The following MED12L variants were observed in gnomAD, a reference collection of about 807,000 sequenced individuals.
MED12L encodes mediator complex subunit 12L.
A neutral mutation model predicts 281.3 loss-of-function variants in MED12L; 60 were observed. The observed-to-expected ratio is 0.21, with a 90% confidence interval of 0.17 to 0.26. MED12L has a LOEUF of 0.26. Ranked by LOEUF, MED12L falls within the 10% of genes least tolerant of loss-of-function variation. The pLI is 1.00. For synonymous variants in MED12L, 974 were observed against 987.2 expected, an observed-to-expected ratio of 0.99 and a Z score of 0.25; for missense variants, 2,146 against 2,680.9, an observed-to-expected ratio of 0.80 and a Z score of 4.41.
intron 39 of MED12L, among the ~76,000 whole-genome samples, chr3:151,407,408 T>C (rs560412237): frequency 1.3e-5 from 2 of 152,364 alleles, no homozygotes; most frequent in African/African-American, 4.8e-5. Flanking sequence ...TAGTTGATTT[T>C]TCTGTTTTGT....
At chr3:151,282,481 C>T (rs944415637) in intron 16 of MED12L, among the ~76,000 whole-genome samples, 11 of 151,828 alleles carry the variant, frequency 7.2e-5, no homozygotes, top group East Asian at 1.9e-4. Context: ...AAGATGTTGA[C>T]GTAAGAATGT....
At chr3:151,177,048 G>A (rs1263053137) in intron 11 of MED12L, among the ~76,000 whole-genome samples, 1 of 152,234 alleles carries the variant, frequency 6.6e-6, no homozygotes, top group African/African-American at 2.4e-5. Context: ...AAAGGGGATT[G>A]TGCTCTAGGT....
At chr3:151,189,291 G>GT (rs1723665703) in intron 13 of MED12L, among the ~76,000 whole-genome samples, 2 of 152,318 alleles carry the variant, frequency 1.3e-5, no homozygotes, top group South Asian at 4.1e-4. Context: ...GGCTCTCTCA[G>GT]TTATTTGGTG....
At position 151,435,431 on chromosome 3, in the gene MED12L, T is replaced by TAA. The variant is rs1553825986; in HGVS notation, c.*2628_*2629dup. On this transcript the variant is annotated 3_prime_UTR_variant, in exon 45 of 45. Transcript: ENST00000687756. ...AGCCACAGGGTACTAACATCAGACATAAGTTGCAACCAGGTCACATTTTAG... is the reference window on the plus strand; with the variant it reads ...AGCCACAGGGTACTAACATCAGACATAAAAGTTGCAACCAGGTCACATTTTAG... 2 of 151,808 alleles carry TAA rather than the reference T, an allele frequency of 1.3e-5. No homozygotes were observed. Among genetic ancestry groups the TAA allele is most frequent in the East Asian group, 2.0e-4 (1 of 5,038 alleles). 9.4% of individuals were successfully genotyped at this position (151,808 alleles called of 1,614,324 possible). A position where few individuals can be genotyped will look rare whatever the true frequency, so the allele number is the denominator to read the frequency against.
At chr3:151,113,233 G>A (rs943085360) in intron 2 of MED12L, among the ~76,000 whole-genome samples, 2 of 152,164 alleles carry the variant, frequency 1.3e-5, no homozygotes, top group South Asian at 2.1e-4. Context: ...TGGATACCAG[G>A]AAAAAGAGCA....
In MED12L at chr3:151,372,648, A is replaced by G. The variant is rs1373321444; in HGVS notation, c.3746A>G (p.Asn1249Ser). The G allele has an allele frequency of 1.4e-5, 22 of 1,613,788 alleles. No homozygotes were observed. The highest frequency in any genetic ancestry group is 1.8e-5 in the Non-Finnish European group (21 of 1,179,818). The change falls in exon 27 of 45, where the codon AAT becomes AGT. Residue 1249 changes from asparagine (N) to serine (S), a missense_variant. Asn to Ser is a conservative substitution (Grantham distance 46, BLOSUM62 1). Transcript: ENST00000687756. Reference sequence around the variant, plus strand: ...ATGAGAGGTTTGCGATGTGATGGGAATGCTGATGATATCTGGACTGCCTCA... The same window carrying G: ...ATGAGAGGTTTGCGATGTGATGGGAGTGCTGATGATATCTGGACTGCCTCA... Reference protein sequence around the residue: ...FTMRGLRCDGNADDIWTASQN... With the variant: ...FTMRGLRCDGSADDIWTASQN...
At chr3:151,211,673 G>T (rs887229468) in intron 16 of MED12L, among the ~76,000 whole-genome samples, 3 of 152,076 alleles carry the variant, frequency 2.0e-5, no homozygotes, top group African/African-American at 7.2e-5. Flanking sequence ...TTTGACATAG[G>T]TTCTTGCTCT....
At chr3:151,278,867 G>A (rs1317864898) in intron 16 of MED12L, among the ~76,000 whole-genome samples, 1 of 152,206 alleles carries the variant, frequency 6.6e-6, no homozygotes, top group Non-Finnish European at 1.5e-5. Flanking sequence ...TTCTAGATAA[G>A]AGGTGTTGCA....
chr3:151,112,307 G>T (rs1712035651), intron 2 of MED12L, among the ~76,000 whole-genome samples: 1 of 145,808 alleles, frequency 6.9e-6, no homozygotes, highest in Non-Finnish European at 1.5e-5. Context: ...TTGAGATGGA[G>T]TCTCGCTCTG....
intron 16 of MED12L, among the ~76,000 whole-genome samples, chr3:151,197,049 A>T (rs952729671): frequency 3.3e-5 from 5 of 152,212 alleles, no homozygotes; most frequent in African/African-American, 9.7e-5. Flanking sequence ...CTTTTTCCTA[A>T]TAAGTCTTTT....
At chr3:151,362,253 C>T (rs1453805953) in intron 21 of MED12L, among the ~76,000 whole-genome samples, 2 of 151,982 alleles carry the variant, frequency 1.3e-5, no homozygotes, top group Non-Finnish European at 2.9e-5. Context: ...TTTTAATATA[C>T]GAATGATTCA....
intron 16 of MED12L, chr3:151,295,121 G>GT (rs778956908): frequency 6.2e-7 from 1 of 1,613,326 alleles, no homozygotes; most frequent in Non-Finnish European, 8.5e-7. Context: ...CAAGACAATT[G>GT]TGTCAAATTC....
intron 37 of MED12L, 93 bp from the exon 38 acceptor site, chr3:151,389,886 G>T (rs925688785): frequency 1.6e-6 from 2 of 1,222,234 alleles, no homozygotes; most frequent in South Asian, 1.3e-5. Flanking sequence ...ATTGGGATAG[G>T]AGGTACCTCA....
At chr3:151,181,662 T>C (rs1395780802) in intron 11 of MED12L, among the ~76,000 whole-genome samples, 1 of 146,304 alleles carries the variant, frequency 6.8e-6, no homozygotes, top group Non-Finnish European at 1.5e-5. Context: ...CTTGGCTCAC[T>C]GCAGCCTCGG....
chr3:151,164,847 T>C (rs571847189), intron 9 of MED12L, among the ~76,000 whole-genome samples: 1 of 151,372 alleles, frequency 6.6e-6, no homozygotes, highest in Non-Finnish European at 1.5e-5. Context: ...CACCGGGGCC[T>C]GTTGTGGGGT....
intron 16 of MED12L, among the ~76,000 whole-genome samples, chr3:151,319,906 C>CA (rs1277933321): frequency 6.6e-6 from 1 of 152,118 alleles, no homozygotes; most frequent in East Asian, 1.9e-4. Context: ...CTTAAAGAGA[C>CA]AGGGGCGCTC....
At chr3:151,328,390 G>A in intron 16 of MED12L, 1 of 1,613,492 alleles carries the variant, frequency 6.2e-7, no homozygotes, top group Non-Finnish European at 8.5e-7. Flanking sequence ...CAAGCATTAG[G>A]ATAAAAACAG....
chr3:151,205,188 T>G (rs1208527654), intron 16 of MED12L, among the ~76,000 whole-genome samples: 1 of 152,234 alleles, frequency 6.6e-6, no homozygotes, highest in Admixed American at 6.5e-5. Context: ...GTGACTGTAC[T>G]TAGTGTTCCG....
chr3:151,430,439 C>T lies in MED12L; in HGVS notation c.6490+59C>T, dbSNP rs372523597. On this transcript the variant is annotated intron_variant, in intron 44 of 44. Transcript: ENST00000687756. ...TCCCGGAAAATTAAAAATAAGCCAG[C>T]GAAACGTAAAGTGGCGGCTCTCCCA... 401 of 1,604,626 alleles carry T rather than the reference C, an allele frequency of 2.5e-4. 4 individuals are homozygous for T. The highest frequency in any genetic ancestry group is 1.7e-3 in the South Asian group (153 of 90,654).
Sources: gnomAD v4.1 joint callset for allele counts (sites outside exome capture counted in the v4.1 genomes callset) on GRCh38, gnomAD v4.1.1 for gene constraint, MANE v1.5 for transcripts, NCBI Gene and HGNC (gene_info 2026-07-23, HGNC 2026-07-21) for gene names.